The following RBFOX1 variants were observed in gnomAD, a reference collection of about 807,000 sequenced individuals.
RBFOX1 encodes the protein RNA binding fox-1 homolog 1, also known as RNA binding protein fox-1 homolog 1.
In RBFOX1, 8 loss-of-function variants were observed where a neutral mutation model predicts 57.7. That is an observed-to-expected ratio of 0.14 (90% confidence interval 0.08 to 0.25). The LOEUF is 0.25. RBFOX1 is among the 10% of genes least tolerant of loss of function. The probability of loss-of-function intolerance (pLI) is 1.00; values close to 1 mark genes in which losing one functional copy is unlikely to be tolerated. For synonymous variants in RBFOX1, 326 were observed against 222.4 expected, an observed-to-expected ratio of 1.47 and a Z score of -4.15; for missense variants, 611 against 548.5, an observed-to-expected ratio of 1.11 and a Z score of -1.14.
chr16:6,589,230 A>G (rs919998019), intron 2 of RBFOX1, among the ~76,000 whole-genome samples: 23 of 152,244 alleles, frequency 1.5e-4, no homozygotes, highest in African/African-American at 3.4e-4. Context: ...TAACCAGCCA[A>G]TGGGTTCTCC....
intron 3 of RBFOX1, among the ~76,000 whole-genome samples, chr16:6,789,444 G>A (rs2082528963): frequency 6.6e-6 from 1 of 152,136 alleles, no homozygotes; most frequent in African/African-American, 2.4e-5. Flanking sequence ...TGTGGAAGGC[G>A]AGAGAAACAC....
intron 3 of RBFOX1, among the ~76,000 whole-genome samples, chr16:5,754,127 A>C (rs1335455831): frequency 1.3e-5 from 2 of 152,194 alleles, no homozygotes; most frequent in African/African-American, 4.8e-5. Flanking sequence ...TTAGCCATGC[A>C]AGTATTTTCC....
chr16:7,036,163 T>A (rs1023849206), intron 3 of RBFOX1, among the ~76,000 whole-genome samples: 2 of 151,732 alleles, frequency 1.3e-5, no homozygotes, highest in African/African-American at 2.4e-5. Context: ...TATTTCCTTG[T>A]CTGGAGAATT....
In RBFOX1 at chr16:6,932,240, A is replaced by T. The variant is rs373657326; in HGVS notation, c.-15-119817A>T. ...TGCCTCGGCCTCCCAAGTAGCTGGGATTACAGGCATGCACCACCACACCTG... is the reference window on the plus strand; with the variant it reads ...TGCCTCGGCCTCCCAAGTAGCTGGGTTTACAGGCATGCACCACCACACCTG... On this transcript the variant is annotated intron_variant, in intron 3 of 15. Transcript: ENST00000550418. 5.9e-5 allele frequency among the ~76,000 whole-genome samples: 9 copies of T among 152,192 alleles called. 1 individual carries two copies. The East Asian group carries it at 1.2e-3, about 20-fold the overall frequency.
In RBFOX1 at chr16:7,304,413, C is replaced by T. The variant is rs2096121064; in HGVS notation, c.28-213734C>T. The T allele has an allele frequency of 2.3e-5, 23 of 985,264 alleles. No homozygotes were observed. In the South Asian group the frequency reaches 9.4e-4, roughly 40 times the overall value. 61.0% of individuals were successfully genotyped at this position (985,264 alleles called of 1,614,324 possible). A position where few individuals can be genotyped will look rare whatever the true frequency, so the allele number is the denominator to read the frequency against. On this transcript the variant is annotated intron_variant, in intron 4 of 15. Coordinates refer to ENST00000550418, the MANE Select transcript of RBFOX1 (RefSeq NM_018723.4). Reference sequence around the variant, plus strand: ...TGCAGCATCCTCTGACGGGGGCCACCTGCGTGGCGCTCCCCAACGTGGGCA... The same window carrying T: ...TGCAGCATCCTCTGACGGGGGCCACTTGCGTGGCGCTCCCCAACGTGGGCA...
chr16:7,666,662 G>A (rs1303609433), intron 13 of RBFOX1, among the ~76,000 whole-genome samples: 1 of 152,278 alleles, frequency 6.6e-6, no homozygotes. Context: ...GTGTGTGTCT[G>A]TATCGATTGG....
chr16:6,685,841 C>T (rs779110490), intron 3 of RBFOX1, among the ~76,000 whole-genome samples: 5 of 152,050 alleles, frequency 3.3e-5, no homozygotes, highest in Non-Finnish European at 5.9e-5. Context: ...GTGTTTCCTA[C>T]AATAATAAAT....
chr16:6,755,879 T>G (rs967252390), intron 3 of RBFOX1, among the ~76,000 whole-genome samples: 1 of 152,184 alleles, frequency 6.6e-6, no homozygotes, highest in African/African-American at 2.4e-5. Context: ...TTTTTGAGAA[T>G]GTATTGCTGA....
chr16:7,334,051 T>C (rs2096740472), intron 4 of RBFOX1, among the ~76,000 whole-genome samples: 1 of 152,156 alleles, frequency 6.6e-6, no homozygotes, highest in South Asian at 2.1e-4. Context: ...CAGCCCCTCA[T>C]AGTTAAAAAC....
intron 4 of RBFOX1, among the ~76,000 whole-genome samples, chr16:7,176,616 G>A (rs1046570929): frequency 2.0e-5 from 3 of 152,152 alleles, no homozygotes; most frequent in African/African-American, 7.2e-5. Flanking sequence ...ATTAGTGACA[G>A]AAACTATATG....
intron 4 of RBFOX1, among the ~76,000 whole-genome samples, chr16:7,306,580 C>CAT (rs111570906): frequency 3.6e-4 from 54 of 149,038 alleles, no homozygotes; most frequent in African/African-American, 1.1e-3. Context: ...GAATGGTGTG[C>CAT]GTGTGTGTGT....
At chr16:5,819,665 G>A (rs1209236720) in intron 3 of RBFOX1, among the ~76,000 whole-genome samples, 2 of 152,174 alleles carry the variant, frequency 1.3e-5, no homozygotes, top group Non-Finnish European at 2.9e-5. Flanking sequence ...GTGTCTCCAG[G>A]CCCTTATCTA....
At chr16:7,694,377 G>C (rs891104746) in intron 14 of RBFOX1, among the ~76,000 whole-genome samples, 1 of 152,150 alleles carries the variant, frequency 6.6e-6, no homozygotes, top group Non-Finnish European at 1.5e-5. Flanking sequence ...ACTGCCTTTG[G>C]TGAGAATGAA....
At chr16:6,135,180 G>C (rs1341783187) in intron 1 of RBFOX1, among the ~76,000 whole-genome samples, 1 of 152,170 alleles carries the variant, frequency 6.6e-6, no homozygotes, top group Non-Finnish European at 1.5e-5. Context: ...GTTCTGACTG[G>C]CTAAGCATTC....
chr16:5,295,187 G>A (rs533334908), intron 1 of RBFOX1, among the ~76,000 whole-genome samples: 13 of 152,138 alleles, frequency 8.5e-5, no homozygotes, highest in African/African-American at 2.4e-4. Flanking sequence ...GGTAGGAAGA[G>A]AACAAACATC....
intron 3 of RBFOX1, among the ~76,000 whole-genome samples, chr16:6,993,730 C>G (rs1329375839): frequency 1.3e-5 from 2 of 152,108 alleles, no homozygotes; most frequent in African/African-American, 4.8e-5. Context: ...GTGTGTTTGG[C>G]AGCAGCCCAG....
At chr16:6,291,287 C>G (rs576499791) in intron 1 of RBFOX1, among the ~76,000 whole-genome samples, 68 of 152,296 alleles carry the variant, frequency 4.5e-4, no homozygotes, top group Admixed American at 4.3e-3. Context: ...CCTCATTTTA[C>G]TCCGCTGCTA....
intron 3 of RBFOX1, among the ~76,000 whole-genome samples, chr16:6,712,469 C>T (rs1281596576): frequency 2.6e-5 from 4 of 152,082 alleles, no homozygotes; most frequent in African/African-American, 9.7e-5. Context: ...TCTCATCTCC[C>T]GAGGACTATT....
At chr16:5,661,458 C>G (rs921444719) in intron 3 of RBFOX1, among the ~76,000 whole-genome samples, 1 of 152,218 alleles carries the variant, frequency 6.6e-6, no homozygotes, top group African/African-American at 2.4e-5. Flanking sequence ...AAATTAATAA[C>G]TCCTTCATAT....
Sources: allele counts gnomAD v4.1 joint callset (sites outside exome capture counted in the v4.1 genomes callset), GRCh38; gene constraint gnomAD v4.1.1; transcripts MANE v1.5; gene names NCBI Gene and HGNC (gene_info 2026-07-23, HGNC 2026-07-21).